Variants in BMPER observed in about 807,000 individuals in gnomAD.
The protein encoded by BMPER is BMP binding endothelial regulator, also known as BMP-binding endothelial regulator protein.
A neutral mutation model predicts 87.3 loss-of-function variants in BMPER; 45 were observed. The observed-to-expected ratio is 0.52, with a 90% confidence interval of 0.41 to 0.66. BMPER has a LOEUF of 0.66. BMPER is among the 30% of genes least tolerant of loss of function. BMPER has a pLI of 0.00. For synonymous variants in BMPER, 326 were observed against 316.2 expected (o/e 1.03, Z -0.33); for missense variants, 784 against 867.5 (o/e 0.90, Z 1.21).
chr7:33,987,701 C>A (rs934932996), intron 6 of BMPER, among the ~76,000 whole-genome samples: 2 of 151,986 alleles, frequency 1.3e-5, no homozygotes, highest in Admixed American at 6.6e-5. Context: ...TTGTGCCTCT[C>A]TTCTGTTCTC....
At chr7:33,981,652 A>T (rs916434748) in intron 6 of BMPER, among the ~76,000 whole-genome samples, 2 of 152,182 alleles carry the variant, frequency 1.3e-5, no homozygotes, top group East Asian at 1.9e-4. Context: ...TCATGAACAA[A>T]TGGATGCTGG....
intron 2 of BMPER, among the ~76,000 whole-genome samples, chr7:33,933,449 T>G (rs1784528188): frequency 6.6e-6 from 1 of 150,962 alleles, no homozygotes; most frequent in Non-Finnish European, 1.5e-5. Flanking sequence ...AGGTTTTTTT[T>G]TTTTTTTTTT....
chr7:33,942,178 G>C (rs749020103), intron 3 of BMPER, among the ~76,000 whole-genome samples: 5 of 152,084 alleles, frequency 3.3e-5, no homozygotes, highest in Admixed American at 6.6e-5. Flanking sequence ...TTTTACCTGA[G>C]GGAATGTGTA....
intron 13 of BMPER, among the ~76,000 whole-genome samples, chr7:34,115,140 C>G (rs191426056): frequency 6.6e-6 from 1 of 152,134 alleles, no homozygotes; most frequent in Admixed American, 6.5e-5. Context: ...TAGATATCTT[C>G]CCTCCAGGTG....
intron 13 of BMPER, among the ~76,000 whole-genome samples, chr7:34,134,481 G>A (rs1168678959): frequency 1.3e-5 from 2 of 152,064 alleles, no homozygotes; most frequent in African/African-American, 2.4e-5. Context: ...GAAATGAGGC[G>A]TTATCTCTAG....
intron 7 of BMPER, among the ~76,000 whole-genome samples, chr7:34,049,551 T>C (rs1788089094): frequency 1.3e-5 from 2 of 152,136 alleles, no homozygotes; most frequent in Admixed American, 1.3e-4. Context: ...CTCTAAGCGG[T>C]AGAAGGGCCT....
At chr7:33,996,992 T>G (rs1291874254) in intron 6 of BMPER, among the ~76,000 whole-genome samples, 1 of 152,174 alleles carries the variant, frequency 6.6e-6, no homozygotes, top group Non-Finnish European at 1.5e-5. Flanking sequence ...ACAGTGCAAG[T>G]GTAACCTATC....
intron 3 of BMPER, among the ~76,000 whole-genome samples, chr7:33,947,887 G>A (rs749020731): frequency 2.0e-5 from 3 of 151,936 alleles, no homozygotes; most frequent in Non-Finnish European, 2.9e-5. Flanking sequence ...TGGTTGTTTC[G>A]GAGGGAGCCA....
At chr7:34,143,963 A>T (rs570151146) in intron 14 of BMPER, among the ~76,000 whole-genome samples, 1 of 152,350 alleles carries the variant, frequency 6.6e-6, no homozygotes, top group African/African-American at 2.4e-5. Context: ...ATGAAGCCCC[A>T]GTCATTGACA....
Position 33,992,877 on chromosome 7 carries a change from A to T in BMPER, c.576+18093A>T, listed in dbSNP as rs1374655979. The stretch of plus-strand genomic sequence containing the variant: ...GATTTTATTTCTCCTTCACTTATGA[A>T]GCTTAGTTTGGCTGGATATGAAATT... On this transcript the variant is annotated intron_variant, in intron 6 of 14. Transcript: ENST00000649409. Among the ~76,000 whole-genome samples, 25 of 132,842 alleles carry T rather than the reference A, an allele frequency of 1.9e-4. No individual in the cohort carries two copies. The South Asian group carries it at 6.0e-3, about 32-fold the overall frequency. The allele number at this position is 132,842 out of a possible 152,430, so 87.1% of individuals were successfully genotyped here. A position where few individuals can be genotyped will look rare whatever the true frequency, so the allele number is the denominator to read the frequency against.
intron 6 of BMPER, among the ~76,000 whole-genome samples, chr7:34,033,790 C>T (rs981687266): frequency 1.9e-4 from 29 of 152,278 alleles, no homozygotes; most frequent in African/African-American, 4.1e-4. Context: ...ACTTGTCTTC[C>T]GTTATCTTCA....
intron 13 of BMPER, among the ~76,000 whole-genome samples, chr7:34,111,281 A>G (rs1789955231): frequency 6.6e-6 from 1 of 152,212 alleles, no homozygotes; most frequent in South Asian, 2.1e-4. Context: ...TGTCCTGGTG[A>G]GCTGTACCTA....
intron 6 of BMPER, among the ~76,000 whole-genome samples, chr7:33,991,925 T>C (rs1486288776): frequency 7.2e-6 from 1 of 139,796 alleles, no homozygotes; most frequent in Non-Finnish European, 1.5e-5. Flanking sequence ...AGTTGAGCGG[T>C]TTTGAGTGAG....
intron 4 of BMPER, 129 bp downstream of exon 4, chr7:33,966,690 A>G: frequency 2.4e-6 from 2 of 839,310 alleles, no homozygotes; most frequent in South Asian, 2.9e-5. Flanking sequence ...TGAAAAAGCA[A>G]CTGTATCCTT....
intron 13 of BMPER, among the ~76,000 whole-genome samples, chr7:34,086,919 T>G (rs538961170): frequency 6.6e-6 from 1 of 152,296 alleles, no homozygotes; most frequent in South Asian, 2.1e-4. Flanking sequence ...AAACACAAGA[T>G]GAACACAGCC....
At position 33,918,430 on chromosome 7, in the gene BMPER, T is replaced by G. The variant is rs547872846; in HGVS notation, c.219+11527T>G. ...GCCTGTGGGGCTTGCAGCTTCTGCCTCCAGTAAAGCCTGCCTCATTCTGTT... is the reference window on the plus strand; with the variant it reads ...GCCTGTGGGGCTTGCAGCTTCTGCCGCCAGTAAAGCCTGCCTCATTCTGTT... On this transcript the variant is annotated intron_variant, in intron 2 of 14. Coordinates refer to ENST00000649409, the MANE Select transcript of BMPER (RefSeq NM_001365308.1). 1.4e-4 allele frequency among the ~76,000 whole-genome samples: 21 copies of G among 152,348 alleles called. No individual in the cohort carries two copies. The South Asian group carries it at 4.3e-3, about 32-fold the overall frequency.
intron 14 of BMPER, among the ~76,000 whole-genome samples, chr7:34,147,814 C>T (rs992771820): frequency 6.6e-6 from 1 of 152,140 alleles, no homozygotes; most frequent in Non-Finnish European, 1.5e-5. Flanking sequence ...TTTTAAAATA[C>T]ATATGTGCCC....
intron 3 of BMPER, among the ~76,000 whole-genome samples, chr7:33,946,298 G>A (rs1457520402): frequency 6.6e-6 from 1 of 152,142 alleles, no homozygotes; most frequent in African/African-American, 2.4e-5. Context: ...AGGATTATGG[G>A]CATTACAATT....
At chr7:34,138,671 G>T (rs12673452) in intron 13 of BMPER, among the ~76,000 whole-genome samples, 2 of 152,108 alleles carry the variant, frequency 1.3e-5, no homozygotes, top group Non-Finnish European at 2.9e-5. Context: ...GATTGCAGGG[G>T]CCTGATTCCT....
Sources: gnomAD v4.1 joint callset for allele counts (sites outside exome capture counted in the v4.1 genomes callset) on GRCh38, gnomAD v4.1.1 for gene constraint, MANE v1.5 for transcripts, NCBI Gene and HGNC (gene_info 2026-07-23, HGNC 2026-07-21) for gene names.